Variants in VTI1A observed in about 807,000 individuals in gnomAD.
VTI1A encodes the protein vesicle transport through interaction with t-SNAREs 1A, also known as vesicle transport through interaction with t-SNAREs homolog 1A.
A neutral mutation model predicts 34.9 loss-of-function variants in VTI1A; 22 were observed. The ratio of observed to expected loss-of-function variants is 0.63; its 90% CI spans 0.45 to 0.90. The LOEUF is 0.90. Among genes scored for constraint, VTI1A ranks in the 40% least tolerant of loss-of-function variants. VTI1A has a pLI of 0.00. For missense variants in VTI1A, 268 were observed against 275.6 expected (o/e 0.97, Z 0.20); for synonymous variants, 87 against 97.3 (o/e 0.89, Z 0.62).
chr10:112,545,768 T>C (rs1197755991), intron 5 of VTI1A, among the ~76,000 whole-genome samples: 1 of 152,232 alleles, frequency 6.6e-6, no homozygotes, highest in Non-Finnish European at 1.5e-5. Flanking sequence ...CCAGTGCTAG[T>C]ATTTAGTCTG....
intron 7 of VTI1A, chr10:112,737,020 T>C: frequency 1.9e-6 from 1 of 531,080 alleles, no homozygotes; most frequent in African/African-American, 1.9e-5. Flanking sequence ...GATTCTGTAA[T>C]AATCAAGGGA....
At chr10:112,830,913 G>A in the VTI1A span, among the ~76,000 whole-genome samples, 1 of 141,184 alleles carries the variant, frequency 7.1e-6, no homozygotes, top group Non-Finnish European at 1.5e-5. Context: ...GCAGTGGCAC[G>A]ATCATGGCTC....
chr10:112,827,150 G>A, the VTI1A span: 1 of 152,312 alleles, frequency 6.6e-6, no homozygotes, highest in East Asian at 1.9e-4. Flanking sequence ...CATTAGGCCC[G>A]AGAGCTGCTC....
intron 7 of VTI1A, among the ~76,000 whole-genome samples, chr10:112,794,509 G>C (rs1354788725): frequency 6.6e-6 from 1 of 151,964 alleles, no homozygotes; most frequent in East Asian, 1.9e-4. Flanking sequence ...CTATAATCAC[G>C]CTGTTGCACT....
chr10:112,468,390 A>G (rs919614078), intron 3 of VTI1A, among the ~76,000 whole-genome samples: 6 of 152,198 alleles, frequency 3.9e-5, no homozygotes, highest in Non-Finnish European at 7.3e-5. Context: ...ATTTAAAGAT[A>G]TTTGATAACT....
At chr10:112,732,736 A>T (rs541512593) in intron 7 of VTI1A, among the ~76,000 whole-genome samples, 46 of 152,318 alleles carry the variant, frequency 3.0e-4, no homozygotes, top group Middle Eastern at 6.8e-3. Context: ...ACTGAGCATC[A>T]GGAAACCCTT....
chr10:112,736,354 T>C (rs368129549), intron 7 of VTI1A, among the ~76,000 whole-genome samples: 1 of 152,226 alleles, frequency 6.6e-6, no homozygotes, highest in East Asian at 1.9e-4. Flanking sequence ...GACAGATTCC[T>C]TGTCTATCTT....
chr10:112,573,584 C>T (rs1852219834), intron 5 of VTI1A, among the ~76,000 whole-genome samples: 1 of 152,190 alleles, frequency 6.6e-6, no homozygotes, highest in Non-Finnish European at 1.5e-5. Context: ...GAAAAGACCA[C>T]GGAATCAAAG....
chr10:112,680,884 G>T (rs986326086), intron 7 of VTI1A, among the ~76,000 whole-genome samples: 1 of 152,022 alleles, frequency 6.6e-6, no homozygotes, highest in Non-Finnish European at 1.5e-5. Flanking sequence ...AGCTCCTAGC[G>T]GCAGAATTTG....
intron 5 of VTI1A, among the ~76,000 whole-genome samples, chr10:112,627,284 T>C (rs1845957808): frequency 6.6e-6 from 1 of 152,196 alleles, no homozygotes; most frequent in African/African-American, 2.4e-5. Flanking sequence ...GAAATTATCA[T>C]TGATGAAAAT....
intron 4 of VTI1A, among the ~76,000 whole-genome samples, chr10:112,532,550 A>T (rs1250263023): frequency 3.3e-5 from 5 of 152,182 alleles, no homozygotes; most frequent in African/African-American, 1.2e-4. Flanking sequence ...ACACGTACAC[A>T]CAATGAGCCA....
chr10:112,589,635 G>C (rs1293480353), intron 5 of VTI1A, among the ~76,000 whole-genome samples: 1 of 152,166 alleles, frequency 6.6e-6, no homozygotes, highest in South Asian at 2.1e-4. Flanking sequence ...AGCATGCACT[G>C]TGTGTGACAC....
intron 1 of VTI1A, among the ~76,000 whole-genome samples, chr10:112,447,837 A>G (rs1021595232): frequency 6.6e-6 from 1 of 152,248 alleles, no homozygotes; most frequent in African/African-American, 2.4e-5. Flanking sequence ...TCTACAATCT[A>G]CAGCGGCGTT....
chr10:112,792,502 G>A (rs1341677454), intron 7 of VTI1A, among the ~76,000 whole-genome samples: 1 of 152,098 alleles, frequency 6.6e-6, no homozygotes, highest in African/African-American at 2.4e-5. Context: ...CCAGCCCAAT[G>A]CTGCTATTGT....
intron 3 of VTI1A, among the ~76,000 whole-genome samples, chr10:112,505,040 A>G (rs780534290): frequency 4.6e-5 from 7 of 152,036 alleles, no homozygotes; most frequent in Non-Finnish European, 8.8e-5. Flanking sequence ...TGAAATCTGC[A>G]TGTACTTTTC....
intron 7 of VTI1A, among the ~76,000 whole-genome samples, chr10:112,768,252 G>A (rs756273109): frequency 1.2e-4 from 19 of 152,220 alleles, no homozygotes; most frequent in Non-Finnish European, 2.5e-4. Context: ...ACACAAGGCT[G>A]ACGAGAAAGA....
At chr10:112,758,405 A>G (rs969997014) in intron 7 of VTI1A, among the ~76,000 whole-genome samples, 1 of 148,034 alleles carries the variant, frequency 6.8e-6, no homozygotes, top group African/African-American at 2.4e-5. Context: ...TGTCTACTCC[A>G]GGATCACCTG....
chr10:112,810,479 G>T (rs1272812676), intron 7 of VTI1A, among the ~76,000 whole-genome samples: 4 of 152,016 alleles, frequency 2.6e-5, no homozygotes, highest in Admixed American at 2.0e-4. Context: ...GCCCACTGTG[G>T]GTCAGCTTCT....
intron 5 of VTI1A, among the ~76,000 whole-genome samples, chr10:112,641,409 C>T (rs898888423): frequency 1.3e-5 from 2 of 152,128 alleles, no homozygotes; most frequent in African/African-American, 4.8e-5. Flanking sequence ...TTTCCCCACT[C>T]GCCGCGGCTA....
Sources: allele counts gnomAD v4.1 joint callset (sites outside exome capture counted in the v4.1 genomes callset), GRCh38; gene constraint gnomAD v4.1.1; transcripts MANE v1.5; gene names NCBI Gene and HGNC (gene_info 2026-07-23, HGNC 2026-07-21).